STIM2: variants seen among roughly 807,000 people sequenced by gnomAD.
STIM2 encodes stromal interaction molecule 2.
A neutral mutation model predicts 85.8 loss-of-function variants in STIM2; 31 were observed. The observed-to-expected ratio is 0.36, with a 90% CI of 0.27 to 0.49. STIM2 has a LOEUF of 0.49. Ranked by LOEUF, STIM2 falls within the 20% of genes least tolerant of loss-of-function variation. STIM2 has a pLI of 0.98. For missense variants in STIM2, 841 were observed against 927.6 expected, an observed-to-expected ratio of 0.91 and a Z score of 1.21; for synonymous variants, 356 against 331.1, an observed-to-expected ratio of 1.08 and a Z score of -0.82.
At chr4:26,980,407 C>G (rs1348011461) in intron 3 of STIM2, among the ~76,000 whole-genome samples, 1 of 151,786 alleles carries the variant, frequency 6.6e-6, no homozygotes, top group Non-Finnish European at 1.5e-5. Flanking sequence ...GTCTCCAACA[C>G]TGTTAGACCA....
intron 1 of STIM2, among the ~76,000 whole-genome samples, chr4:26,916,012 G>A (rs59530500): frequency 0.029 from 4,359 of 152,224 alleles, 130 homozygotes; most frequent in African/African-American, 0.079. Flanking sequence ...TATAAGCAAA[G>A]GAGAACAATA....
Position 26,861,148 on chromosome 4 carries a change from G to C in STIM2, c.-71G>C, listed in dbSNP as rs1417003246. ...CTGCGCTTTCACCCGGCTTCTCCTC[G>C]GCGCCTTCATCCCGCCTCGACTCCT... On this transcript the variant is annotated 5_prime_UTR_variant, in exon 1 of 12. Transcript: ENST00000467087. 5 of 1,305,040 alleles carry C rather than the reference G, an allele frequency of 3.8e-6. No homozygotes were observed. The highest frequency in any genetic ancestry group is 3.9e-6 in the Non-Finnish European group (4 of 1,026,678). 80.8% of individuals were successfully genotyped at this position (1,305,040 alleles called of 1,614,324 possible).
rs746135741 is a variant in STIM2, at chr4:27,008,469, T to G, written c.1191T>G (p.Thr397=). The change falls in exon 9 of 12, where the codon ACT becomes ACG. Residue 397 remains threonine (T), a synonymous_variant. Transcript: ENST00000467087. ...AGAAGAGAAGCACAGTCTTTGGGAC[T>G]CTGCACGTTGCACACAGCTCCTCCC... 2.5e-6 allele frequency: 4 copies of G among 1,604,758 alleles called. No individual in the cohort carries two copies. The highest frequency in any genetic ancestry group is 3.4e-6 in the Non-Finnish European group (4 of 1,175,960).
chr4:26,941,604 G>A (rs1479896109), intron 2 of STIM2, among the ~76,000 whole-genome samples: 1 of 152,068 alleles, frequency 6.6e-6, no homozygotes, highest in Non-Finnish European at 1.5e-5. Flanking sequence ...ACTGATGGCA[G>A]CGAGATTTAA....
Position 26,861,168 on chromosome 4 carries a change from A to G in STIM2, c.-51A>G. ...TCCTCGGCGCCTTCATCCCGCCTCG[A>G]CTCCTGGCCCAGCGTGGGGCTGGCT... On this transcript the variant is annotated 5_prime_UTR_variant, in exon 1 of 12. Coordinates refer to ENST00000467087, the MANE Select transcript of STIM2 (RefSeq NM_020860.4). The G allele has an allele frequency of 2.2e-6, 3 of 1,380,674 alleles. No individual in the cohort carries two copies. Among genetic ancestry groups the G allele is most frequent in the Non-Finnish European group, 2.8e-6 (3 of 1,065,384 alleles). 85.5% of individuals were successfully genotyped at this position (1,380,674 alleles called of 1,614,324 possible).
chr4:26,864,277 A>T (rs1722316661), intron 1 of STIM2, among the ~76,000 whole-genome samples: 1 of 152,128 alleles, frequency 6.6e-6, no homozygotes, highest in African/African-American at 2.4e-5. Flanking sequence ...TAGGGCACTT[A>T]CTTTGAAAGT....
At chr4:26,890,840 A>T (rs1723448154) in intron 1 of STIM2, among the ~76,000 whole-genome samples, 1 of 151,890 alleles carries the variant, frequency 6.6e-6, no homozygotes, top group Non-Finnish European at 1.5e-5. Context: ...AAAAAAAAAA[A>T]AAAGGAGAGT....
intron 10 of STIM2, among the ~76,000 whole-genome samples, chr4:27,012,644 A>G (rs899703257): frequency 6.6e-6 from 1 of 152,076 alleles, no homozygotes; most frequent in Admixed American, 6.5e-5. Context: ...TGTTAATACT[A>G]GTAGATTTTT....
intron 2 of STIM2, among the ~76,000 whole-genome samples, chr4:26,937,032 C>T (rs972008924): frequency 6.6e-6 from 1 of 152,072 alleles, no homozygotes; most frequent in Non-Finnish European, 1.5e-5. Flanking sequence ...AAGCGATTTA[C>T]CTGCCTCAAC....
chr4:26,873,599 GT>G (rs1249809637), intron 1 of STIM2: 5 of 482,488 alleles, frequency 1.0e-5, no homozygotes, highest in Admixed American at 3.0e-5. Context: ...TGAAGTTTTG[GT>G]GATCAGACAG....
chr4:26,873,536 A>C, intron 1 of STIM2: 2 of 400,252 alleles, frequency 5.0e-6, no homozygotes, highest in South Asian at 2.2e-5. Flanking sequence ...GCCCAGGGTA[A>C]CTCTGACTAC....
At chr4:26,973,870 T>A (rs924679436) in intron 3 of STIM2, among the ~76,000 whole-genome samples, 3 of 152,172 alleles carry the variant, frequency 2.0e-5, no homozygotes, top group African/African-American at 7.2e-5. Context: ...TGTGTGGGAG[T>A]CTAAGTCTCT....
chr4:26,938,923 A>T (rs75871648), intron 2 of STIM2, among the ~76,000 whole-genome samples: 42 of 151,846 alleles, frequency 2.8e-4, no homozygotes, highest in Middle Eastern at 3.4e-3. Context: ...GTTTTTTTTT[A>T]AATTTTAAAA....
intron 2 of STIM2, among the ~76,000 whole-genome samples, chr4:26,956,467 A>G (rs942006079): frequency 3.3e-5 from 5 of 150,400 alleles, no homozygotes; most frequent in African/African-American, 4.9e-5. Context: ...TTTAAGAGAC[A>G]GGTTCTTGCC....
intron 1 of STIM2, among the ~76,000 whole-genome samples, chr4:26,873,081 C>T (rs568525744): frequency 6.6e-6 from 1 of 152,298 alleles, no homozygotes; most frequent in East Asian, 1.9e-4. Flanking sequence ...CCTCATAGAC[C>T]TTGTTACCTT....
chr4:26,869,170 G>A (rs1266381944), intron 1 of STIM2, among the ~76,000 whole-genome samples: 3 of 151,894 alleles, frequency 2.0e-5, no homozygotes, highest in Admixed American at 6.6e-5. Flanking sequence ...GATGATGTGC[G>A]CCTGTATTCC....
chr4:27,003,160 G>C, intron 7 of STIM2, 56 bp downstream of exon 7: 1 of 1,492,680 alleles, frequency 6.7e-7, no homozygotes. Context: ...CCACTCTGAG[G>C]AGCCAGGTCC....
chr4:26,983,232 A>G (rs546560360), intron 3 of STIM2, among the ~76,000 whole-genome samples: 43 of 152,346 alleles, frequency 2.8e-4, no homozygotes, highest in Admixed American at 2.5e-3. Flanking sequence ...TGACTGAAGC[A>G]CTTTATTCAC....
intron 2 of STIM2, among the ~76,000 whole-genome samples, chr4:26,921,216 C>T (rs1577438802): frequency 6.6e-6 from 1 of 152,084 alleles, no homozygotes; most frequent in East Asian, 1.9e-4. Flanking sequence ...GGATTGCTGC[C>T]AATACCAGAA....
Sources: allele counts gnomAD v4.1 joint callset (sites outside exome capture counted in the v4.1 genomes callset), GRCh38; gene constraint gnomAD v4.1.1; transcripts MANE v1.5; gene names NCBI Gene and HGNC (gene_info 2026-07-23, HGNC 2026-07-21).